Variants in JARID2 observed in about 807,000 individuals in gnomAD.
The protein encoded by JARID2 is protein Jumonji.
JARID2 carries 21 observed loss-of-function variants against 125.6 expected under a neutral mutation model. The observed-to-expected ratio is 0.17, with a 90% CI of 0.12 to 0.24. The LOEUF is 0.24. Among genes scored for constraint, JARID2 ranks in the 10% least tolerant of loss-of-function variants. The pLI is 1.00. For synonymous variants in JARID2, 736 were observed against 661.6 expected (o/e 1.11, Z -1.73); for missense variants, 1,303 against 1,639.6 (o/e 0.79, Z 3.55).
chr6:15,300,458 C>T (rs1392119032), intron 1 of JARID2, among the ~76,000 whole-genome samples: 5 of 152,148 alleles, frequency 3.3e-5, no homozygotes, highest in African/African-American at 1.2e-4. Flanking sequence ...CTCCCATCTT[C>T]CTGAGATACT....
Position 15,450,038 on chromosome 6 carries a change from AAT to A in JARID2, c.324-1967_324-1966del, listed in dbSNP as rs1002095563. On this transcript the variant is annotated intron_variant, in intron 3 of 17. Coordinates refer to ENST00000341776, the MANE Select transcript of JARID2 (RefSeq NM_004973.4). Reference sequence around the variant, plus strand: ...CTTGTAGGAATTTGTTAAATAGTATAATTTTTTTTTAAATGTTACAGCATTTT... The same window carrying A: ...CTTGTAGGAATTTGTTAAATAGTATATTTTTTTTAAATGTTACAGCATTTT... Among the ~76,000 whole-genome samples the A allele has an allele frequency of 2.4e-4, 15 of 61,674 alleles. No individual in the cohort carries two copies. In the South Asian group the frequency reaches 4.0e-3, roughly 17 times the overall value. 40.5% of individuals were successfully genotyped at this position (61,674 alleles called of 152,430 possible). A position where few individuals can be genotyped will look rare whatever the true frequency, so the allele number is the denominator to read the frequency against.
chr6:15,405,185 C>T (rs1765599123), intron 2 of JARID2, among the ~76,000 whole-genome samples: 1 of 152,210 alleles, frequency 6.6e-6, no homozygotes, highest in Admixed American at 6.5e-5. Context: ...CCAAGAACAA[C>T]AGGAATTCCT....
intron 1 of JARID2, among the ~76,000 whole-genome samples, chr6:15,371,042 A>C (rs1287018896): frequency 6.6e-6 from 1 of 152,226 alleles, no homozygotes; most frequent in Non-Finnish European, 1.5e-5. Context: ...TTTAAGTTTG[A>C]ATTTTAATGT....
At chr6:15,264,571 TA>T (rs1267660724) in intron 1 of JARID2, among the ~76,000 whole-genome samples, 1 of 151,808 alleles carries the variant, frequency 6.6e-6, no homozygotes. Flanking sequence ...GCCAAGAATT[TA>T]CTAGTTTAGA....
chr6:15,415,218 C>T (rs1766088575), intron 3 of JARID2, among the ~76,000 whole-genome samples: 1 of 152,232 alleles, frequency 6.6e-6, no homozygotes, highest in South Asian at 2.1e-4. Flanking sequence ...CTACCTCCCT[C>T]TACACAGACA....
chr6:15,377,233 C>G (rs540276238), intron 2 of JARID2, among the ~76,000 whole-genome samples: 1 of 152,248 alleles, frequency 6.6e-6, no homozygotes, highest in Admixed American at 6.5e-5. Flanking sequence ...GTTCCTCATG[C>G]CTGGGGAGGC....
chr6:15,389,933 A>G (rs1764935188), intron 2 of JARID2, among the ~76,000 whole-genome samples: 2 of 152,054 alleles, frequency 1.3e-5, no homozygotes, highest in Non-Finnish European at 2.9e-5. Flanking sequence ...AGCAATTTAC[A>G]GTGTATTTCT....
chr6:15,418,167 C>T (rs1766320362), intron 3 of JARID2, among the ~76,000 whole-genome samples: 1 of 151,674 alleles, frequency 6.6e-6, no homozygotes, highest in Non-Finnish European at 1.5e-5. Context: ...TAGGGAGAGA[C>T]CCAGAACCCT....
rs528319058 is a variant in JARID2, at chr6:15,333,764, G to A, written c.46-40353G>A. ...ACCATCATATATTCTAGCTATTTGA[G>A]TGCCAGATTGGTTCAGTAAATACGT... On this transcript the variant is annotated intron_variant, in intron 1 of 17. Transcript: ENST00000341776. Among the ~76,000 whole-genome samples, 3 of 152,254 alleles carry A rather than the reference G, an allele frequency of 2.0e-5. No individual in the cohort carries two copies. The East Asian group carries it at 5.8e-4, about 29-fold the overall frequency.
chr6:15,251,185 T>C (rs1176211051), intron 1 of JARID2, among the ~76,000 whole-genome samples: 1 of 152,158 alleles, frequency 6.6e-6, no homozygotes, highest in African/African-American at 2.4e-5. Context: ...CTAATTTTTG[T>C]ATTTTAGTAG....
At position 15,283,227 on chromosome 6, in the gene JARID2, C is replaced by T. The variant is rs568068745; in HGVS notation, c.45+36643C>T. Reference sequence around the variant, plus strand: ...TCTGCCGACCTTGTGATCTGCCCACCTTGGCCTCCCAAAGTGCTGGGATTA... The same window carrying T: ...TCTGCCGACCTTGTGATCTGCCCACTTTGGCCTCCCAAAGTGCTGGGATTA... On this transcript the variant is annotated intron_variant, in intron 1 of 17. Transcript: ENST00000341776. Among the ~76,000 whole-genome samples the T allele has an allele frequency of 6.1e-3, 925 of 150,998 alleles. 7 individuals are homozygous for T. The highest frequency in any genetic ancestry group is 9.7e-3 in the Non-Finnish European group (655 of 67,870).
intron 1 of JARID2, among the ~76,000 whole-genome samples, chr6:15,250,996 C>T (rs1439074893): frequency 2.0e-5 from 3 of 151,282 alleles, no homozygotes; most frequent in Admixed American, 2.0e-4. Flanking sequence ...TTGGTGAAGG[C>T]TAACCTAGAG....
In JARID2 at chr6:15,403,546, A is replaced by G. The variant is rs568194079; in HGVS notation, c.182-6678A>G. On this transcript the variant is annotated intron_variant, in intron 2 of 17. Transcript: ENST00000341776. The stretch of plus-strand genomic sequence containing the variant: ...ATTGCCTTCTGGGGCCCAGGGTCCT[A>G]TCTTTCTCAAAGAGTCATTTACTTG... Among the ~76,000 whole-genome samples the G allele has an allele frequency of 3.3e-4, 51 of 152,282 alleles. No homozygotes were observed. In the South Asian group the frequency reaches 0.01, roughly 30 times the overall value.
At chr6:15,349,292 C>T (rs2127479101) in intron 1 of JARID2, among the ~76,000 whole-genome samples, 1 of 152,168 alleles carries the variant, frequency 6.6e-6, no homozygotes, top group South Asian at 2.1e-4. Context: ...GAAAAATGTT[C>T]CATCTGGATG....
intron 3 of JARID2, among the ~76,000 whole-genome samples, chr6:15,441,529 C>T (rs746021284): frequency 1.3e-5 from 2 of 152,038 alleles, no homozygotes; most frequent in Non-Finnish European, 2.9e-5. Flanking sequence ...TATTTGTTAC[C>T]CTTTAAATGA....
chr6:15,300,104 G>A (rs1761551210), intron 1 of JARID2, among the ~76,000 whole-genome samples: 1 of 152,186 alleles, frequency 6.6e-6, no homozygotes, highest in Non-Finnish European at 1.5e-5. Context: ...TTTGTAAGAA[G>A]AAACCTCTGA....
intron 2 of JARID2, among the ~76,000 whole-genome samples, chr6:15,385,831 C>A (rs1395504592): frequency 6.6e-6 from 1 of 152,100 alleles, no homozygotes; most frequent in South Asian, 2.1e-4. Context: ...TAGAAATGCT[C>A]ACACCGTGAC....
At chr6:15,485,735 A>G (rs1769835260) in intron 5 of JARID2, among the ~76,000 whole-genome samples, 1 of 152,260 alleles carries the variant, frequency 6.6e-6, no homozygotes, top group Non-Finnish European at 1.5e-5. Flanking sequence ...TTGGCACCAC[A>G]GCAAATGAAA....
At chr6:15,328,232 G>T (rs774054713) in intron 1 of JARID2, among the ~76,000 whole-genome samples, 4 of 152,128 alleles carry the variant, frequency 2.6e-5, no homozygotes, top group Non-Finnish European at 5.9e-5. Flanking sequence ...AAAGTCACCT[G>T]TATGGAATTC....
Sources: allele counts gnomAD v4.1 joint callset (sites outside exome capture counted in the v4.1 genomes callset), GRCh38; gene constraint gnomAD v4.1.1; transcripts MANE v1.5; gene names NCBI Gene and HGNC (gene_info 2026-07-23, HGNC 2026-07-21).